MAPK10: variants seen among roughly 807,000 people sequenced by gnomAD.
The protein encoded by MAPK10 is mitogen-activated protein kinase 10.
Under a neutral mutation model 59.3 loss-of-function variants are expected in MAPK10, and 25 were observed. The ratio of observed to expected loss-of-function variants is 0.42; its 90% CI spans 0.31 to 0.59. The LOEUF is 0.59. Ranked by LOEUF, MAPK10 falls within the 20% of genes least tolerant of loss-of-function variation. The probability of loss-of-function intolerance (pLI) is 0.15; values close to 1 mark genes in which losing one functional copy is unlikely to be tolerated. For synonymous variants in MAPK10, 190 were observed against 200.5 expected (o/e 0.95, Z 0.44); for missense variants, 351 against 568.9 (o/e 0.62, Z 3.90).
intron 3 of MAPK10, chr4:86,192,968 T>C (rs2080295466): frequency 6.6e-6 from 1 of 152,204 alleles, no homozygotes. Flanking sequence ...TGTGTGAATG[T>C]CCTTTTTGTT....
intron 2 of MAPK10, among the ~76,000 whole-genome samples, chr4:86,331,667 C>G (rs1385245477): frequency 1.3e-5 from 2 of 152,142 alleles, no homozygotes; most frequent in Non-Finnish European, 2.9e-5. Flanking sequence ...CATCACTGCC[C>G]TGTTTTTCAT....
At chr4:86,139,279 AC>A (rs1479298250) in intron 4 of MAPK10, among the ~76,000 whole-genome samples, 7 of 149,942 alleles carry the variant, frequency 4.7e-5, no homozygotes, top group African/African-American at 1.8e-4. Context: ...CTAACTTCAA[AC>A]TATACTACAA....
intron 1 of MAPK10, among the ~76,000 whole-genome samples, chr4:86,404,840 G>C (rs1041802776): frequency 2.0e-5 from 3 of 152,132 alleles, no homozygotes; most frequent in Non-Finnish European, 2.9e-5. Flanking sequence ...AGAGGCTCCT[G>C]CTTTGCAGAC....
At chr4:86,486,942 G>A (rs1003395092) in intron 1 of MAPK10, among the ~76,000 whole-genome samples, 2 of 152,114 alleles carry the variant, frequency 1.3e-5, no homozygotes, top group African/African-American at 4.8e-5. Context: ...AGAAAGGCAC[G>A]ATCTGAGCCT....
At chr4:86,160,646 A>C (rs2069285298) in intron 3 of MAPK10, 1 of 151,640 alleles carries the variant, frequency 6.6e-6, no homozygotes. Context: ...ATTCCCACGC[A>C]ATGAATAATT....
intron 2 of MAPK10, among the ~76,000 whole-genome samples, chr4:86,265,579 T>G (rs893178816): frequency 1.3e-5 from 2 of 152,038 alleles, no homozygotes; most frequent in Admixed American, 1.3e-4. Context: ...AGTTATGGAA[T>G]CTGTTTGAGT....
intron 4 of MAPK10, among the ~76,000 whole-genome samples, chr4:86,119,260 C>G (rs1429316983): frequency 6.6e-6 from 1 of 152,174 alleles, no homozygotes; most frequent in Non-Finnish European, 1.5e-5. Context: ...GCCCTACGCA[C>G]TTTTGCCTTC....
intron 3 of MAPK10, among the ~76,000 whole-genome samples, chr4:86,189,006 G>A (rs920378082): frequency 6.6e-6 from 1 of 152,138 alleles, no homozygotes; most frequent in African/African-American, 2.4e-5. Context: ...TTATTAAATA[G>A]GGAATCCTTT....
intron 1 of MAPK10, among the ~76,000 whole-genome samples, chr4:86,527,415 C>T (rs1341152420): frequency 6.0e-5 from 9 of 149,816 alleles, no homozygotes; most frequent in Admixed American, 4.7e-4. Flanking sequence ...AAACATGCTC[C>T]ACACCATTAA....
intron 1 of MAPK10, among the ~76,000 whole-genome samples, chr4:86,429,002 T>C (rs1471613990): frequency 3.3e-5 from 5 of 152,208 alleles, no homozygotes; most frequent in Non-Finnish European, 5.9e-5. Context: ...GTTTTTAGCA[T>C]AGGAGGACTT....
At chr4:86,438,598 G>C (rs527639544) in intron 1 of MAPK10, among the ~76,000 whole-genome samples, 1 of 151,556 alleles carries the variant, frequency 6.6e-6, no homozygotes, top group African/African-American at 2.4e-5. Context: ...GTGGAGGCAG[G>C]AGAATTGCTT....
At chr4:86,546,655 A>C (rs1397569374) in intron 1 of MAPK10, among the ~76,000 whole-genome samples, 2 of 152,178 alleles carry the variant, frequency 1.3e-5, no homozygotes, top group Non-Finnish European at 2.9e-5. Flanking sequence ...TGACTGCACA[A>C]GTCATATGCC....
At chr4:86,022,455 T>C (rs1331285341) in intron 13 of MAPK10, among the ~76,000 whole-genome samples, 10 of 152,186 alleles carry the variant, frequency 6.6e-5, no homozygotes, top group Admixed American at 6.5e-4. Context: ...TTCTTTTTAT[T>C]ATTGAGTTGT....
chr4:86,236,427 T>A (rs897568075), intron 2 of MAPK10, among the ~76,000 whole-genome samples: 2 of 152,164 alleles, frequency 1.3e-5, no homozygotes, highest in Non-Finnish European at 2.9e-5. Flanking sequence ...GAAGAAGGAA[T>A]CAGACTTCTG....
At chr4:86,504,923 C>T (rs1042756288) in intron 1 of MAPK10, among the ~76,000 whole-genome samples, 1 of 152,092 alleles carries the variant, frequency 6.6e-6, no homozygotes, top group Non-Finnish European at 1.5e-5. Flanking sequence ...TGCCTACAGT[C>T]CCTCTTTTGG....
intron 4 of MAPK10, among the ~76,000 whole-genome samples, chr4:86,129,574 T>C (rs903520815): frequency 6.6e-6 from 1 of 152,168 alleles, no homozygotes; most frequent in Non-Finnish European, 1.5e-5. Context: ...AGACTACATA[T>C]TGGGATTTCT....
At chr4:86,329,783 A>G (rs1394641379) in intron 2 of MAPK10, among the ~76,000 whole-genome samples, 1 of 152,200 alleles carries the variant, frequency 6.6e-6, no homozygotes, top group East Asian at 1.9e-4. Context: ...AAATGAAATC[A>G]ATTAGTCAAT....
intron 1 of MAPK10, among the ~76,000 whole-genome samples, chr4:86,357,378 T>C (rs1735048269): frequency 6.6e-6 from 1 of 152,182 alleles, no homozygotes; most frequent in Non-Finnish European, 1.5e-5. Context: ...TTCATTTACA[T>C]GAAACCACAA....
intron 12 of MAPK10, among the ~76,000 whole-genome samples, chr4:86,029,907 T>C (rs760043215): frequency 2.6e-5 from 4 of 152,192 alleles, no homozygotes; most frequent in African/African-American, 7.2e-5. Flanking sequence ...ACTCTCAGAC[T>C]GGCATCCATT....
Sources: allele counts gnomAD v4.1 joint callset (sites outside exome capture counted in the v4.1 genomes callset), GRCh38; gene constraint gnomAD v4.1.1; transcripts MANE v1.5; gene names NCBI Gene and HGNC (gene_info 2026-07-23, HGNC 2026-07-21).